The following FARP1 variants were observed in gnomAD, a reference collection of about 807,000 sequenced individuals.
FARP1 encodes FERM, ARHGEF and pleckstrin domain-containing protein 1.
FARP1 carries 52 observed loss-of-function variants against 128.8 expected under a neutral mutation model. The ratio of observed to expected loss-of-function variants is 0.40; its 90% confidence interval spans 0.32 to 0.51. FARP1 has a LOEUF of 0.51. FARP1 is among the 20% of genes least tolerant of loss of function. FARP1 has a pLI of 0.45. For missense variants in FARP1, 1,333 were observed against 1,367.9 expected (o/e 0.97, Z 0.40); for synonymous variants, 580 against 551.8 (o/e 1.05, Z -0.72).
At chr13:98,331,039 C>T (rs1430754014) in intron 2 of FARP1, among the ~76,000 whole-genome samples, 5 of 152,126 alleles carry the variant, frequency 3.3e-5, no homozygotes, top group African/African-American at 7.2e-5. Context: ...ATCAGCATCC[C>T]TTTCTATTGC....
At chr13:98,434,908 C>T (rs1192900576) in intron 18 of FARP1, 2 of 152,270 alleles carry the variant, frequency 1.3e-5, no homozygotes, top group Non-Finnish European at 2.9e-5. Context: ...GCAGGACAAT[C>T]ACTTGAACCT....
rs1310956673 is a variant in FARP1 at position 98,395,372 on chromosome 13, A to G, written c.1310A>G (p.Asn437Ser). The change falls in exon 13 of 27, where the codon AAC (asparagine) becomes AGC (serine). Residue 437 changes from asparagine to serine, a missense_variant. Transcript: ENST00000319562. ...GCGCCGAGGAGAAGCCCCGCGGGTAACAAGCAGGCGGACGGAGCCGCCTCG... is the reference window on the plus strand; with the variant it reads ...GCGCCGAGGAGAAGCCCCGCGGGTAGCAAGCAGGCGGACGGAGCCGCCTCG... ...SPAPRRSPAG[N>S]KQADGAASAP... 4 of 1,611,776 alleles carry G rather than the reference A, an allele frequency of 2.5e-6. No individual in the cohort carries two copies. The highest frequency in any genetic ancestry group is 8.5e-7 in the Non-Finnish European group (1 of 1,179,148).
chr13:98,150,277 T>C (rs1296635313), intron 1 of FARP1, among the ~76,000 whole-genome samples: 2 of 152,188 alleles, frequency 1.3e-5, no homozygotes, highest in African/African-American at 2.4e-5. Context: ...CTGATCCACC[T>C]GCCTCGGCTT....
intron 2 of FARP1, among the ~76,000 whole-genome samples, chr13:98,325,394 G>A (rs1182873237): frequency 6.6e-6 from 1 of 151,910 alleles, no homozygotes; most frequent in Non-Finnish European, 1.5e-5. Context: ...TCATCTGTAC[G>A]ACACTGCTGA....
intron 13 of FARP1, among the ~76,000 whole-genome samples, chr13:98,408,318 T>C (rs1014168837): frequency 9.9e-5 from 14 of 141,370 alleles, no homozygotes; most frequent in African/African-American, 3.7e-4. Flanking sequence ...GCGGGTAATA[T>C]ATACTTTTTT....
intron 19 of FARP1, chr13:98,435,942 C>T (rs745400424): frequency 2.0e-5 from 12 of 589,824 alleles, no homozygotes; most frequent in South Asian, 6.3e-5. Flanking sequence ...CGGGGTGATT[C>T]GCTTCTTTAC....
chr13:98,411,002 A>G (rs1418768581), intron 15 of FARP1, among the ~76,000 whole-genome samples, 179 bp downstream of exon 15: 3 of 152,234 alleles, frequency 2.0e-5, no homozygotes, highest in South Asian at 2.1e-4. Context: ...AATATATGCT[A>G]TAACATTTTT....
intron 1 of FARP1, chr13:98,175,727 A>G (rs1238133388): frequency 6.1e-6 from 1 of 163,978 alleles, no homozygotes; most frequent in East Asian, 1.8e-4. Context: ...TCGACTTTTT[A>G]TGTAATTTTG....
At chr13:98,422,713 A>G (rs1221252934) in intron 16 of FARP1, among the ~76,000 whole-genome samples, 1 of 152,132 alleles carries the variant, frequency 6.6e-6, no homozygotes, top group Non-Finnish European at 1.5e-5. Flanking sequence ...TGCTTAATTA[A>G]GCGTGTGCAT....
chr13:98,368,150 A>T lies in FARP1; in HGVS notation c.353A>T (p.Lys118Ile). 6.2e-7 allele frequency: 1 copy of T among 1,614,108 alleles called. No individual in the cohort carries two copies. The highest frequency in any genetic ancestry group is 8.5e-7 in the Non-Finnish European group (1 of 1,179,978). The change falls in exon 5 of 27, where the codon AAA (lysine) becomes ATA (isoleucine). Residue 118 changes from lysine to isoleucine, a missense_variant. Physicochemically the swap from Lys to Ile is moderately radical, Grantham distance 102. Around this residue, in one of 2 missense-constraint regions of FARP1, gnomAD observed 324 missense variants for 398.1 expected, o/e 0.81. Coordinates refer to ENST00000319562, the MANE Select transcript of FARP1 (RefSeq NM_005766.4). ...PKHVVVKFVVKFFPPDHTQLQ... is the reference protein window; with the variant it reads ...PKHVVVKFVVIFFPPDHTQLQ... ...CACGTTGTTGTTAAGTTTGTGGTGA[A>T]ATTCTTTCCGCCTGACCACACACAA...
intron 8 of FARP1, among the ~76,000 whole-genome samples, chr13:98,387,358 C>T (rs1463329192): frequency 1.3e-5 from 2 of 152,134 alleles, no homozygotes; most frequent in Non-Finnish European, 2.9e-5. Context: ...TTTCAAATCA[C>T]AATCCTGAAC....
chr13:98,144,100 A>G (rs989289152), intron 1 of FARP1, among the ~76,000 whole-genome samples: 3 of 152,206 alleles, frequency 2.0e-5, no homozygotes, highest in Non-Finnish European at 4.4e-5. Context: ...AGCAAAGGAC[A>G]GATTGCTTTG....
chr13:98,446,825 C>G lies in FARP1; in HGVS notation c.3056+8C>G. 1 of 1,613,854 alleles carries G rather than the reference C, an allele frequency of 6.2e-7. No homozygotes were observed. Among genetic ancestry groups the G allele is most frequent in the Non-Finnish European group, 8.5e-7 (1 of 1,179,848 alleles). ...CGAGTACACGTTCGAAAGGTAGACACCCCCTTCCCACGCACAGGGCCCTGC... is the reference window on the plus strand; with the variant it reads ...CGAGTACACGTTCGAAAGGTAGACAGCCCCTTCCCACGCACAGGGCCCTGC... On this transcript the variant is annotated splice_region_variant and intron_variant, in intron 26 of 26. Coordinates refer to ENST00000319562, the MANE Select transcript of FARP1 (RefSeq NM_005766.4).
At chr13:98,255,494 T>C (rs1883542703) in intron 2 of FARP1, among the ~76,000 whole-genome samples, 1 of 151,174 alleles carries the variant, frequency 6.6e-6, no homozygotes, top group African/African-American at 2.5e-5. Context: ...GAGTGAGACT[T>C]CATCTCAAAA....
At chr13:98,160,979 A>G (rs1876843545) in intron 1 of FARP1, among the ~76,000 whole-genome samples, 1 of 151,982 alleles carries the variant, frequency 6.6e-6, no homozygotes, top group African/African-American at 2.4e-5. Context: ...CGCCTGGCTT[A>G]TATTTGCCTT....
At chr13:98,423,871 G>C (rs566649629) in intron 16 of FARP1, among the ~76,000 whole-genome samples, 1 of 152,286 alleles carries the variant, frequency 6.6e-6, no homozygotes, top group East Asian at 1.9e-4. Context: ...CCGTTGAAAG[G>C]TGTACGTGTA....
intron 5 of FARP1, among the ~76,000 whole-genome samples, chr13:98,371,103 G>A (rs575757350): frequency 2.2e-4 from 33 of 152,104 alleles, no homozygotes; most frequent in Non-Finnish European, 3.8e-4. Context: ...GAATGTAGTT[G>A]TGTTTGGAAT....
intron 4 of FARP1, among the ~76,000 whole-genome samples, chr13:98,367,559 A>G (rs532360728): frequency 6.7e-6 from 1 of 149,708 alleles, no homozygotes; most frequent in Non-Finnish European, 1.5e-5. Context: ...CTCCCTATCT[A>G]CTTCCTGATT....
At chr13:98,321,018 T>C (rs1253459335) in intron 2 of FARP1, among the ~76,000 whole-genome samples, 2 of 151,638 alleles carry the variant, frequency 1.3e-5, no homozygotes, top group South Asian at 4.2e-4. Flanking sequence ...GAACTGGGAG[T>C]CTTTGGGTTA....
Sources: allele counts gnomAD v4.1 joint callset (sites outside exome capture counted in the v4.1 genomes callset), GRCh38; gene constraint gnomAD v4.1.1; regional missense constraint gnomAD v4.1.1; transcripts MANE v1.5; gene names NCBI Gene and HGNC (gene_info 2026-07-23, HGNC 2026-07-21).